Variants in SDK1 observed in about 807,000 individuals in gnomAD.
SDK1 encodes protein sidekick-1.
SDK1 carries 157 observed loss-of-function variants against 245.5 expected under a neutral mutation model. That is an observed-to-expected ratio of 0.64 (90% CI 0.56 to 0.73). SDK1 has a LOEUF of 0.73. Ranked by LOEUF, SDK1 falls within the 30% of genes least tolerant of loss-of-function variation. The pLI is 0.00. For synonymous variants in SDK1, 1,647 were observed against 1,278.5 expected (o/e 1.29, Z -6.15); for missense variants, 3,583 against 3,002.3 (o/e 1.19, Z -4.52).
chr7:4,092,867 G>T (rs566499547), intron 22 of SDK1, among the ~76,000 whole-genome samples: 1 of 152,298 alleles, frequency 6.6e-6, no homozygotes, highest in African/African-American at 2.4e-5. Context: ...GAGCAGGGCA[G>T]GGACGAAAGC....
In SDK1 at chr7:4,239,564, A is replaced by G. The variant is rs1786393097; in HGVS notation, c.6130+1780A>G. On this transcript the variant is annotated intron_variant, in intron 42 of 44. Transcript: ENST00000404826. ...GTTTTTTAAATAGACGGGTTTCACC[A>G]TGTTGGCCAGGCTGGTCTCGAACTC... 3.3e-5 allele frequency among the ~76,000 whole-genome samples: 5 copies of G among 152,296 alleles called. No individual in the cohort carries two copies. In the South Asian group the frequency reaches 1.0e-3, roughly 32 times the overall value.
At chr7:4,191,878 A>G (rs558773864) in intron 35 of SDK1, among the ~76,000 whole-genome samples, 10 of 152,322 alleles carry the variant, frequency 6.6e-5, no homozygotes, top group Admixed American at 2.0e-4. Context: ...GTCACGCACA[A>G]AAGTGGGGTT....
chr7:3,803,294 C>G lies in SDK1; in HGVS notation c.714-18156C>G, dbSNP rs1488019935. On this transcript the variant is annotated intron_variant, in intron 4 of 44. Transcript: ENST00000404826. Reference sequence around the variant, plus strand: ...TACTCTGCCCATTTTCTTTTCTTTTCTTTTCTTTCTTTCTTTCTTTCTTTT... The same window carrying G: ...TACTCTGCCCATTTTCTTTTCTTTTGTTTTCTTTCTTTCTTTCTTTCTTTT... Among the ~76,000 whole-genome samples, 4 of 146,738 alleles carry G rather than the reference C, an allele frequency of 2.7e-5. No individual in the cohort carries two copies. The South Asian group carries it at 6.6e-4, about 24-fold the overall frequency.
intron 3 of SDK1, among the ~76,000 whole-genome samples, chr7:3,640,190 C>G (rs563269122): frequency 2.0e-4 from 31 of 152,252 alleles, no homozygotes; most frequent in African/African-American, 7.5e-4. Context: ...CAAAATTTCT[C>G]TTTGTTTAAA....
At chr7:3,908,982 G>T (rs1583547465) in intron 5 of SDK1, among the ~76,000 whole-genome samples, 1 of 152,140 alleles carries the variant, frequency 6.6e-6, no homozygotes, top group South Asian at 2.1e-4. Flanking sequence ...AGGTGAGCCT[G>T]CCCCGGATGG....
intron 1 of SDK1, among the ~76,000 whole-genome samples, chr7:3,456,554 C>A (rs1210961910): frequency 6.6e-6 from 1 of 152,092 alleles, no homozygotes; most frequent in Non-Finnish European, 1.5e-5. Flanking sequence ...CTTTAACTTT[C>A]ATTTGTTTTT....
intron 1 of SDK1, among the ~76,000 whole-genome samples, chr7:3,321,835 T>C (rs990874660): frequency 4.9e-5 from 6 of 121,692 alleles, no homozygotes; most frequent in African/African-American, 1.8e-4. Flanking sequence ...CTTCCTCCTT[T>C]TCTCTCTCTC....
At chr7:3,949,980 A>C (rs991219211) in intron 5 of SDK1, among the ~76,000 whole-genome samples, 3 of 152,236 alleles carry the variant, frequency 2.0e-5, no homozygotes, top group African/African-American at 4.8e-5. Flanking sequence ...AGTGGCTGAT[A>C]CATGAAATAT....
intron 5 of SDK1, among the ~76,000 whole-genome samples, chr7:3,835,784 A>G (rs534902332): frequency 6.8e-6 from 1 of 146,120 alleles, no homozygotes; most frequent in South Asian, 2.3e-4. Flanking sequence ...TTGTTGGTGG[A>G]ATCAAAAGAC....
chr7:3,374,678 T>G (rs201470214), intron 1 of SDK1, among the ~76,000 whole-genome samples: 1 of 152,016 alleles, frequency 6.6e-6, no homozygotes, highest in African/African-American at 2.4e-5. Context: ...TAGACCAATT[T>G]CTAACCATGC....
chr7:4,123,858 G>A (rs879201421), intron 25 of SDK1, among the ~76,000 whole-genome samples: 4 of 152,234 alleles, frequency 2.6e-5, no homozygotes, highest in Non-Finnish European at 5.9e-5. Context: ...GCTCAGCATG[G>A]TAGGGGGAGA....
intron 4 of SDK1, among the ~76,000 whole-genome samples, chr7:3,818,559 T>C (rs1377371363): frequency 1.3e-5 from 2 of 152,192 alleles, no homozygotes; most frequent in Non-Finnish European, 2.9e-5. Context: ...TTGCAGTGCA[T>C]AGAACCCTTA....
At position 4,095,609 on chromosome 7, in the gene SDK1, G is replaced by A. The variant is rs1584113433; in HGVS notation, c.3325-15054G>A. Among the ~76,000 whole-genome samples, 3 of 151,870 alleles carry A rather than the reference G, an allele frequency of 2.0e-5. No homozygotes were observed. The South Asian group carries it at 6.3e-4, about 32-fold the overall frequency. Reference sequence around the variant, plus strand: ...TTTTTCCGAGACGGAGTCTCGCTCTGTCTCACAGGCTGGAGTGCAGTGGCG... The same window carrying A: ...TTTTTCCGAGACGGAGTCTCGCTCTATCTCACAGGCTGGAGTGCAGTGGCG... On this transcript the variant is annotated intron_variant, in intron 22 of 44. Coordinates refer to ENST00000404826, the MANE Select transcript of SDK1 (RefSeq NM_152744.4).
intron 13 of SDK1, among the ~76,000 whole-genome samples, chr7:3,978,526 T>A (rs765720903): frequency 2.0e-5 from 3 of 152,324 alleles, no homozygotes; most frequent in Non-Finnish European, 4.4e-5. Context: ...TTGTTCCTCG[T>A]GAATTGTTAG....
chr7:3,746,870 C>A (rs1305292888), intron 4 of SDK1, among the ~76,000 whole-genome samples: 1 of 152,170 alleles, frequency 6.6e-6, no homozygotes, highest in Non-Finnish European at 1.5e-5. Context: ...TTGACCTCCT[C>A]TCATGAATCC....
chr7:3,747,903 A>C (rs954779726), intron 4 of SDK1, among the ~76,000 whole-genome samples: 1 of 152,240 alleles, frequency 6.6e-6, no homozygotes, highest in African/African-American at 2.4e-5. Flanking sequence ...AGATATAGGA[A>C]GGGGTCACAG....
intron 1 of SDK1, among the ~76,000 whole-genome samples, chr7:3,319,621 A>G (rs1044414887): frequency 9.2e-5 from 14 of 152,196 alleles, no homozygotes; most frequent in East Asian, 1.9e-4. Flanking sequence ...AGTTTCTGCA[A>G]TTGTATACTG....
chr7:3,434,067 A>G (rs1347293165), intron 1 of SDK1, among the ~76,000 whole-genome samples: 1 of 152,180 alleles, frequency 6.6e-6, no homozygotes, highest in Non-Finnish European at 1.5e-5. Flanking sequence ...AGGTGCAACA[A>G]TGAAACAGAA....
At chr7:3,551,194 C>T (rs1779397766) in intron 1 of SDK1, among the ~76,000 whole-genome samples, 1 of 152,054 alleles carries the variant, frequency 6.6e-6, no homozygotes, top group Admixed American at 6.6e-5. Context: ...GGGTGGGGGG[C>T]CCAACATCAC....
Sources: gnomAD v4.1 joint callset for allele counts (sites outside exome capture counted in the v4.1 genomes callset) on GRCh38, gnomAD v4.1.1 for gene constraint, MANE v1.5 for transcripts, NCBI Gene and HGNC (gene_info 2026-07-23, HGNC 2026-07-21) for gene names.